CDH2: variants seen among roughly 807,000 people sequenced by gnomAD.
CDH2 encodes cadherin 2, also known as cadherin-2.
CDH2 carries 17 observed loss-of-function variants against 92.0 expected under a neutral mutation model. That is an observed-to-expected ratio of 0.18 (90% CI 0.13 to 0.28). The LOEUF is 0.28. CDH2 is among the 10% of genes least tolerant of loss of function. The probability of loss-of-function intolerance (pLI) is 1.00; values close to 1 mark genes in which losing one functional copy is unlikely to be tolerated. For synonymous variants in CDH2, 419 were observed against 415.9 expected (o/e 1.01, Z -0.09); for missense variants, 862 against 1,133.1 (o/e 0.76, Z 3.44).
At chr18:28,043,476 A>ATATATATATG (rs1300760648) in intron 2 of CDH2, among the ~76,000 whole-genome samples, 1 of 94,724 alleles carries the variant, frequency 1.1e-5, no homozygotes, top group East Asian at 3.0e-4. Flanking sequence ...ATATATATAT[A>ATATATATATG]TATATATATA....
Position 27,985,581 on chromosome 18 carries a change from A to G in CDH2, c.1922T>C (p.Leu641Pro). The part of the protein sequence containing the change: ...DPNAGPFAFD[L>P]PLSPVTIKRN... ...CTTAATAGTCACTGGAGATAAAGGA[A>G]GATCAAAAGCAAATGGTCCAGCATT... is the stretch of plus-strand genomic sequence containing the variant. The change falls in exon 12 of 16, where the codon CTT becomes CCT. Residue 641 changes from leucine (L) to proline (P), a missense_variant. Leu to Pro is a moderately conservative substitution (Grantham distance 98, BLOSUM62 -3). Transcript: ENST00000269141. 6.2e-7 allele frequency: 1 copy of G among 1,614,018 alleles called. No individual in the cohort carries two copies. Among genetic ancestry groups the G allele is most frequent in the South Asian group, 1.1e-5 (1 of 91,082 alleles).
chr18:28,148,678 T>G (rs1288739449), intron 1 of CDH2, among the ~76,000 whole-genome samples: 5 of 152,156 alleles, frequency 3.3e-5, no homozygotes, highest in African/African-American at 1.2e-4. Context: ...ATGAAGGGAT[T>G]CCAGTGGCCA....
intron 1 of CDH2, among the ~76,000 whole-genome samples, chr18:28,175,447 A>G (rs745461588): frequency 2.0e-3 from 312 of 152,300 alleles, no homozygotes; most frequent in Non-Finnish European, 1.7e-3. Context: ...AAAGTGAGAG[A>G]GCACGACCCG....
chr18:28,141,580 T>C (rs1372917818), intron 2 of CDH2, among the ~76,000 whole-genome samples: 1 of 150,168 alleles, frequency 6.7e-6, no homozygotes, highest in African/African-American at 2.5e-5. Flanking sequence ...ATTCCACCGC[T>C]ACCACTTTGA....
At chr18:27,954,056 C>G (rs1303381514) in intron 15 of CDH2, among the ~76,000 whole-genome samples, 1 of 152,120 alleles carries the variant, frequency 6.6e-6, no homozygotes, top group Non-Finnish European at 1.5e-5. Context: ...TGAAATTTAG[C>G]AGTACTTTAC....
At chr18:28,125,032 C>T (rs1456251197) in intron 2 of CDH2, among the ~76,000 whole-genome samples, 3 of 152,174 alleles carry the variant, frequency 2.0e-5, no homozygotes, top group East Asian at 1.9e-4. Context: ...AAAGACCTTA[C>T]GTACTTTTTA....
At chr18:28,111,028 CAG>C (rs548581365) in intron 2 of CDH2, among the ~76,000 whole-genome samples, 73 of 152,270 alleles carry the variant, frequency 4.8e-4, no homozygotes, top group African/African-American at 1.7e-3. Flanking sequence ...TCGGTCTGTG[CAG>C]AGTCATGGAA....
chr18:27,978,216 AAAAAGT>A (rs771020175), intron 14 of CDH2, among the ~76,000 whole-genome samples: 146 of 151,388 alleles, frequency 9.6e-4, no homozygotes, highest in Non-Finnish European at 1.9e-3. Context: ...TTTCTTAAAG[AAAAAGT>A]AAAACAGAAT....
At chr18:28,136,384 A>AT (rs1349694334) in intron 2 of CDH2, among the ~76,000 whole-genome samples, 1 of 150,384 alleles carries the variant, frequency 6.6e-6, no homozygotes, top group Non-Finnish European at 1.5e-5. Context: ...CTTTGCTGTA[A>AT]TCTTTTTTTT....
intron 2 of CDH2, among the ~76,000 whole-genome samples, chr18:28,029,202 A>G (rs1431512501): frequency 1.3e-5 from 2 of 152,142 alleles, no homozygotes; most frequent in African/African-American, 4.8e-5. Flanking sequence ...TCTAACATAC[A>G]GAGCCACAAA....
At chr18:27,943,542 C>G (rs533965482) in intron 6 of CDH2, among the ~76,000 whole-genome samples, 9 of 152,174 alleles carry the variant, frequency 5.9e-5, no homozygotes, top group Non-Finnish European at 1.2e-4. Flanking sequence ...TAACTGTATG[C>G]AGCTTCTTGA....
At chr18:28,066,813 C>T (rs551630596) in intron 2 of CDH2, among the ~76,000 whole-genome samples, 1 of 152,056 alleles carries the variant, frequency 6.6e-6, no homozygotes, top group Admixed American at 6.5e-5. Context: ...CTAGACTCAA[C>T]TCTTGCATCA....
chr18:27,956,728 A>C (rs190670577), intron 15 of CDH2, among the ~76,000 whole-genome samples: 5 of 152,306 alleles, frequency 3.3e-5, no homozygotes, highest in African/African-American at 1.2e-4. Flanking sequence ...CTTCCAAATG[A>C]AAGAGTTCCC....
chr18:28,140,667 G>A (rs1303654227), intron 2 of CDH2, among the ~76,000 whole-genome samples: 1 of 151,766 alleles, frequency 6.6e-6, no homozygotes, highest in Non-Finnish European at 1.5e-5. Flanking sequence ...ACTGTGAGAA[G>A]TAAGTTTCTA....
intron 2 of CDH2, among the ~76,000 whole-genome samples, chr18:28,034,143 G>GATA (rs1187856343): frequency 6.6e-6 from 1 of 152,068 alleles, no homozygotes; most frequent in Non-Finnish European, 1.5e-5. Flanking sequence ...TGGTTGCGCT[G>GATA]ATAATAATCT....
At position 28,177,057 on chromosome 18, in the gene CDH2, AGGCGGCGGC is replaced by A. The variant is rs3833200; in HGVS notation, c.-44_-36del. The A allele has an allele frequency of 1.1e-3, 1,489 of 1,302,318 alleles. 2 individuals carry two copies. Among genetic ancestry groups the A allele is most frequent in the Non-Finnish European group, 1.3e-3 (1,271 of 962,262 alleles). The allele number at this position is 1,302,318 out of a possible 1,614,324, so 80.7% of individuals were successfully genotyped here. On this transcript the variant is annotated 5_prime_UTR_variant, in exon 1 of 16. Transcript: ENST00000269141. ...GAGGGGCCGAGCGAAGAGCCGGAGG[AGGCGGCGGC>A]GGCGGCGGCGGCGGCGGAGGAGGAG...
intron 2 of CDH2, among the ~76,000 whole-genome samples, chr18:28,038,116 A>C (rs1264839854): frequency 6.6e-6 from 1 of 152,142 alleles, no homozygotes; most frequent in Non-Finnish European, 1.5e-5. Flanking sequence ...CTGCTGATTT[A>C]ATTTAGCATT....
intron 14 of CDH2, among the ~76,000 whole-genome samples, chr18:27,971,890 G>A (rs1346173708): frequency 6.6e-6 from 1 of 152,138 alleles, no homozygotes; most frequent in Admixed American, 6.5e-5. Flanking sequence ...TTTATAAAGC[G>A]ATTATTTCAA....
intron 1 of CDH2, among the ~76,000 whole-genome samples, chr18:28,158,325 T>C (rs1029300684): frequency 6.6e-6 from 1 of 152,304 alleles, no homozygotes; most frequent in Non-Finnish European, 1.5e-5. Context: ...GGTGTTCTAA[T>C]AGATCAAGCA....
Sources: gnomAD v4.1 joint callset for allele counts (sites outside exome capture counted in the v4.1 genomes callset) on GRCh38, gnomAD v4.1.1 for gene constraint, MANE v1.5 for transcripts, NCBI Gene and HGNC (gene_info 2026-07-23, HGNC 2026-07-21) for gene names.